JPH2: variants seen among roughly 807,000 people sequenced by gnomAD.
The protein encoded by JPH2 is junctophilin-2.
Under a neutral mutation model 55.9 loss-of-function variants are expected in JPH2, and 38 were observed. The observed-to-expected ratio is 0.68, with a 90% CI of 0.52 to 0.89. The LOEUF (loss-of-function observed/expected upper bound fraction) is 0.89, where lower values mean the gene tolerates loss of function less well. Among genes scored for constraint, JPH2 ranks in the 40% least tolerant of loss-of-function variants. The pLI, the probability that JPH2 is intolerant of heterozygous loss-of-function variation, is 0.00. For synonymous variants in JPH2, 480 were observed against 472.4 expected, an observed-to-expected ratio of 1.02 and a Z score of -0.21; for missense variants, 964 against 1,037.6, an observed-to-expected ratio of 0.93 and a Z score of 0.97.
chr20:44,134,698 TAC>T (rs531901069), intron 2 of JPH2, among the ~76,000 whole-genome samples: 1 of 48,098 alleles, frequency 2.1e-5, no homozygotes, highest in Non-Finnish European at 3.5e-5. Flanking sequence ...TAAATATATA[TAC>T]ATTAATATAT....
At chr20:44,148,856 G>A (rs2072510679) in intron 2 of JPH2, among the ~76,000 whole-genome samples, 1 of 152,078 alleles carries the variant, frequency 6.6e-6, no homozygotes, top group Admixed American at 6.5e-5. Context: ...GAGGTCAGGA[G>A]ATCGAGACCA....
At chr20:44,176,349 G>A (rs1296905239) in intron 1 of JPH2, among the ~76,000 whole-genome samples, 1 of 137,634 alleles carries the variant, frequency 7.3e-6, no homozygotes, top group Non-Finnish European at 1.5e-5. Context: ...TTAGAGATAG[G>A]GTCTCACTGT....
At chr20:44,171,564 C>T (rs1320419697) in intron 1 of JPH2, among the ~76,000 whole-genome samples, 1 of 133,212 alleles carries the variant, frequency 7.5e-6, no homozygotes, top group Non-Finnish European at 1.7e-5. Context: ...CAGCCTCGTC[C>T]ACCCCACTCT....
At chr20:44,117,075 T>C (rs1242255120) in intron 3 of JPH2, among the ~76,000 whole-genome samples, 2 of 152,044 alleles carry the variant, frequency 1.3e-5, no homozygotes, top group Non-Finnish European at 2.9e-5. Context: ...GGTCAGGAGA[T>C]CGAGACGATC....
intron 1 of JPH2, among the ~76,000 whole-genome samples, chr20:44,174,740 G>T (rs1238538245): frequency 6.6e-6 from 1 of 151,966 alleles, no homozygotes; most frequent in Non-Finnish European, 1.5e-5. Flanking sequence ...GTGGCTCAGG[G>T]CTGTAATCCC....
At chr20:44,177,640 G>A (rs1006376803) in intron 1 of JPH2, 6 of 1,195,426 alleles carry the variant, frequency 5.0e-6, no homozygotes, top group Admixed American at 3.7e-5. Context: ...TTTCCAAGAT[G>A]AGGTTAAATT....
chr20:44,113,612 C>T (rs999402404), intron 5 of JPH2, 109 bp from the exon 6 acceptor site: 1 of 152,316 alleles, frequency 6.6e-6, no homozygotes, highest in Non-Finnish European at 1.5e-5. Context: ...GGGGCAAGAT[C>T]CCACCTCTGC....
intron 1 of JPH2, among the ~76,000 whole-genome samples, chr20:44,176,091 TC>T (rs2072731008): frequency 6.6e-6 from 1 of 152,144 alleles, no homozygotes; most frequent in Non-Finnish European, 1.5e-5. Context: ...CCTCTTTCTC[TC>T]AATCCTATCC....
chr20:44,115,556 G>C, intron 4 of JPH2, 109 bp downstream of exon 4: 6 of 1,419,048 alleles, frequency 4.2e-6, no homozygotes, highest in Non-Finnish European at 5.9e-6. Flanking sequence ...ATCCTGCTTC[G>C]GTCTCTCGCA....
rs763899791 is a variant in JPH2 at position 44,109,568 on chromosome 20, C to A, written c.*3950G>T. Among the ~76,000 whole-genome samples, 4 of 152,238 alleles carry A rather than the reference C, an allele frequency of 2.6e-5. No homozygotes were observed. The highest frequency in any genetic ancestry group is 5.9e-5 in the Non-Finnish European group (4 of 68,050). The stretch of plus-strand genomic sequence containing the variant: ...GACTCCATTGAGTGTACCAGCAAGA[C>A]AGGCTGAGAGAGTGAGGGAGTGGGA... On this transcript the variant is annotated 3_prime_UTR_variant, in exon 6 of 6. Transcript: ENST00000372980.
intron 2 of JPH2, among the ~76,000 whole-genome samples, chr20:44,148,435 G>A (rs60670013): frequency 0.01 from 1,531 of 152,234 alleles, 31 homozygotes; most frequent in African/African-American, 0.035. Flanking sequence ...TCTGCTCTAC[G>A]TGCCTGCCTC....
chr20:44,183,939 G>A (rs2072808418), intron 1 of JPH2, among the ~76,000 whole-genome samples: 1 of 152,142 alleles, frequency 6.6e-6, no homozygotes, highest in East Asian at 1.9e-4. Flanking sequence ...ATCACTTGAG[G>A]TCAGGAGTTC....
chr20:44,151,124 ACTCT>A (rs548485078), intron 2 of JPH2, among the ~76,000 whole-genome samples: 53 of 152,280 alleles, frequency 3.5e-4, no homozygotes, highest in South Asian at 1.2e-3. Flanking sequence ...TCATTATATC[ACTCT>A]CTCTATTTAT....
In JPH2 at chr20:44,183,435, C is replaced by A. The variant is rs541953598; in HGVS notation, c.379+2892G>T. On this transcript the variant is annotated intron_variant, in intron 1 of 5. Coordinates refer to ENST00000372980, the MANE Select transcript of JPH2 (RefSeq NM_020433.5). ...TAGGCACCTGCACAAACTCCAGCGA[C>A]CTCGTTAACTTCCAAACACGGTCTC... 2.1e-4 allele frequency among the ~76,000 whole-genome samples: 32 copies of A among 152,358 alleles called. No homozygotes were observed. In the South Asian group the frequency reaches 6.6e-3, roughly 32 times the overall value.
chr20:44,114,609 T>TGC lies in JPH2; in HGVS notation c.*14+171_*14+172dup, dbSNP rs1555853088. ...GTGTGTGTGTGTGTGTGTGTGTGTG[T>TGC]GCGCTGGTATCAAATCACACTCTAG... On this transcript the variant is annotated intron_variant, in intron 5 of 5. Transcript: ENST00000372980. Among the ~76,000 whole-genome samples, 2,333 of 144,062 alleles carry TGC rather than the reference T, an allele frequency of 0.016. 31 individuals are homozygous for TGC. Among genetic ancestry groups the TGC allele is most frequent in the Non-Finnish European group, 0.024 (1,598 of 65,690 alleles). 94.5% of individuals were successfully genotyped at this position (144,062 alleles called of 152,430 possible).
chr20:44,183,614 G>T (rs1174524725), intron 1 of JPH2, among the ~76,000 whole-genome samples: 1 of 152,168 alleles, frequency 6.6e-6, no homozygotes, highest in Admixed American at 6.6e-5. Context: ...CAGCTACCCT[G>T]ATCCCAGCCC....
At chr20:44,121,831 TA>T (rs879393798) in intron 2 of JPH2, among the ~76,000 whole-genome samples, 163 of 144,280 alleles carry the variant, frequency 1.1e-3, no homozygotes, top group African/African-American at 1.7e-3. Context: ...TACTAACAAT[TA>T]AAAAAAAAAA....
In JPH2 at chr20:44,106,668, G is replaced by A. The variant is rs1019407376; in HGVS notation, c.*6850C>T. ...TCACAATCATGGTGGAAGACAAGGAGGAGCAAGTCACATCTTACTAGATGG... is the reference window on the plus strand; with the variant it reads ...TCACAATCATGGTGGAAGACAAGGAAGAGCAAGTCACATCTTACTAGATGG... On this transcript the variant is annotated 3_prime_UTR_variant, in exon 6 of 6. Coordinates refer to ENST00000372980, the MANE Select transcript of JPH2 (RefSeq NM_020433.5). 1.3e-5 allele frequency among the ~76,000 whole-genome samples: 2 copies of A among 152,124 alleles called. No individual in the cohort carries two copies. The highest frequency in any genetic ancestry group is 2.1e-4 in the South Asian group (1 of 4,822).
chr20:44,187,007 T>C lies in JPH2; in HGVS notation c.-302A>G. The C allele has an allele frequency of 2.1e-6, 1 of 482,560 alleles. No individual in the cohort carries two copies. Among genetic ancestry groups the C allele is most frequent in the East Asian group, 3.8e-5 (1 of 26,598 alleles). 29.9% of individuals were successfully genotyped at this position (482,560 alleles called of 1,614,324 possible). A position where few individuals can be genotyped will look rare whatever the true frequency, so the allele number is the denominator to read the frequency against. On this transcript the variant is annotated 5_prime_UTR_variant, in exon 1 of 6. Transcript: ENST00000372980. ...CCCCACAAAGCGTCCCAAGTCTGCC[T>C]TCCAAGAAGTCCAAGGGAAAACGGT...
Sources: gnomAD v4.1 joint callset for allele counts (sites outside exome capture counted in the v4.1 genomes callset) on GRCh38, gnomAD v4.1.1 for gene constraint, MANE v1.5 for transcripts, NCBI Gene and HGNC (gene_info 2026-07-23, HGNC 2026-07-21) for gene names.